The following INO80 variants were observed in gnomAD, a reference collection of about 807,000 sequenced individuals.
INO80 encodes chromatin-remodeling ATPase INO80.
Under a neutral mutation model 203.4 loss-of-function variants are expected in INO80, and 20 were observed. That is an observed-to-expected ratio of 0.10 (90% CI 0.07 to 0.14). The LOEUF (loss-of-function observed/expected upper bound fraction) is 0.14. INO80 is among the 10% of genes least tolerant of loss of function. The probability of loss-of-function intolerance (pLI) is 1.00; values close to 1 mark genes in which losing one functional copy is unlikely to be tolerated. For synonymous variants in INO80, 726 were observed against 685.2 expected (o/e 1.06, Z -0.93); for missense variants, 1,419 against 1,914.4 (o/e 0.74, Z 4.83).
intron 29 of INO80, among the ~76,000 whole-genome samples, chr15:40,996,041 G>C (rs11854924): frequency 0.21 from 32,322 of 151,676 alleles, 4,243 homozygotes; most frequent in Non-Finnish European, 0.3. Flanking sequence ...ATTAGTGAGA[G>C]AGAGAGAGAG....
chr15:40,992,996 T>C (rs2140421481), intron 29 of INO80, among the ~76,000 whole-genome samples: 1 of 152,294 alleles, frequency 6.6e-6, no homozygotes, highest in Non-Finnish European at 1.5e-5. Context: ...GGTCTTGCTA[T>C]GTGGCCCAGG....
rs775509728 is a variant in INO80, at chr15:40,980,290, C to A, written c.4604G>T (p.Ser1535Ile). ...GACCAGAGAGTCTGGGGCTAGGCTG[C>A]TGGTCATGTGGAGGTTCTTGGGATT... ...PGNPKNLHMT[S>I]SLAPDSLVRK... The change falls in exon 36 of 36, where the codon AGC becomes ATC. Residue 1535 changes from serine (S) to isoleucine (I), a missense_variant. Physicochemically the swap from Ser to Ile is moderately radical, Grantham distance 142 (BLOSUM62 -2). Around this residue, in one of 9 missense-constraint regions of INO80, gnomAD observed 112 missense variants for 106.2 expected, o/e 1.05. Coordinates refer to ENST00000648947, the MANE Select transcript of INO80 (RefSeq NM_017553.3). 9.3e-6 allele frequency: 15 copies of A among 1,613,658 alleles called. No homozygotes were observed. Among genetic ancestry groups the A allele is most frequent in the Non-Finnish European group, 1.3e-5 (15 of 1,180,034 alleles).
intron 29 of INO80, among the ~76,000 whole-genome samples, chr15:40,993,519 A>C (rs934983351): frequency 1.3e-5 from 2 of 152,116 alleles, no homozygotes; most frequent in East Asian, 3.9e-4. Context: ...GCACTTTGGG[A>C]GGCGGAGGCA....
intron 9 of INO80, among the ~76,000 whole-genome samples, chr15:41,076,276 G>A (rs1167497245): frequency 2.6e-5 from 4 of 151,982 alleles, no homozygotes; most frequent in African/African-American, 4.8e-5. Flanking sequence ...CAGGAGAATC[G>A]CTTGAACCCA....
At chr15:41,071,465 T>G (rs2140594744) in intron 12 of INO80, among the ~76,000 whole-genome samples, 1 of 148,462 alleles carries the variant, frequency 6.7e-6, no homozygotes, top group Admixed American at 6.7e-5. Context: ...TTTTTTTTTT[T>G]TTTTTTGAGA....
chr15:40,983,810 T>C lies in INO80; in HGVS notation c.4189A>G (p.Thr1397Ala), dbSNP rs746457392. The change falls in exon 34 of 36, where the codon ACC becomes GCC. Residue 1397 changes from threonine to alanine, a missense_variant. Physicochemically the swap from Thr to Ala is moderately conservative, Grantham distance 58 (BLOSUM62 0). This residue lies in a region of INO80 where 214 missense variants were observed against 248.9 expected (regional missense o/e 0.86). Coordinates refer to ENST00000648947, the MANE Select transcript of INO80 (RefSeq NM_017553.3). ...CCTGTTATGGATGCGGGAGAGTTGG[T>C]AGCTCGAGACTGAGGGGCTGAGGAG... ...PASSAPQSRA[T>A]NSPASITGSV... The C allele has an allele frequency of 6.2e-7, 1 of 1,612,690 alleles. No homozygotes were observed. The highest frequency in any genetic ancestry group is 1.1e-5 in the South Asian group (1 of 91,012).
At chr15:41,080,690 C>G (rs1356103818) in intron 8 of INO80, among the ~76,000 whole-genome samples, 1 of 151,988 alleles carries the variant, frequency 6.6e-6, no homozygotes, top group African/African-American at 2.4e-5. Flanking sequence ...ACTGTCTCTA[C>G]TAAAATACAA....
intron 29 of INO80, among the ~76,000 whole-genome samples, chr15:40,990,907 G>A (rs2043808762): frequency 6.6e-6 from 1 of 152,028 alleles, no homozygotes; most frequent in African/African-American, 2.4e-5. Flanking sequence ...TATTTAAAAT[G>A]ACCACAAATG....
intron 26 of INO80, among the ~76,000 whole-genome samples, chr15:41,019,861 C>G (rs1326690136): frequency 6.6e-6 from 1 of 152,226 alleles, no homozygotes; most frequent in Non-Finnish European, 1.5e-5. Context: ...CCAGTTATCT[C>G]TTAGAGACAG....
intron 24 of INO80, among the ~76,000 whole-genome samples, chr15:41,028,848 C>T (rs1042540212): frequency 3.3e-5 from 5 of 151,834 alleles, no homozygotes; most frequent in Non-Finnish European, 5.9e-5. Context: ...GAGTGAAATT[C>T]CGTCCCAAAA....
At chr15:41,022,023 G>C in intron 25 of INO80, among the ~76,000 whole-genome samples, 1 of 152,316 alleles carries the variant, frequency 6.6e-6, no homozygotes, top group Admixed American at 6.5e-5. Flanking sequence ...TCAAGCCCAC[G>C]CTGACAAATA....
intron 5 of INO80, among the ~76,000 whole-genome samples, chr15:41,090,994 G>A (rs1039610114): frequency 1.4e-5 from 2 of 147,428 alleles, no homozygotes; most frequent in Admixed American, 6.8e-5. Flanking sequence ...GCTCAATCTC[G>A]GCTCACTGCA....
At chr15:41,022,060 AT>A (rs1381417744) in intron 25 of INO80, among the ~76,000 whole-genome samples, 1 of 152,258 alleles carries the variant, frequency 6.6e-6, no homozygotes, top group African/African-American at 2.4e-5. Flanking sequence ...CAGGTTGAAT[AT>A]CCCTAATCTG....
At chr15:41,102,300 T>C (rs886917071) in intron 1 of INO80, among the ~76,000 whole-genome samples, 10 of 152,218 alleles carry the variant, frequency 6.6e-5, no homozygotes, top group African/African-American at 2.4e-4. Flanking sequence ...GTTTCCCCAA[T>C]ATATTACAAT....
intron 1 of INO80, among the ~76,000 whole-genome samples, chr15:41,107,292 G>A (rs1271092403): frequency 6.6e-6 from 1 of 152,184 alleles, no homozygotes; most frequent in Non-Finnish European, 1.5e-5. Context: ...TTCAAGACCA[G>A]GAGTTCGAGA....
intron 14 of INO80, among the ~76,000 whole-genome samples, chr15:41,065,001 A>T (rs1333743651): frequency 2.6e-5 from 4 of 152,092 alleles, no homozygotes; most frequent in African/African-American, 9.7e-5. Context: ...ACTGTCTCAA[A>T]AAAAAGGTAG....
chr15:41,090,503 G>A (rs1415764112), intron 5 of INO80, among the ~76,000 whole-genome samples: 1 of 152,138 alleles, frequency 6.6e-6, no homozygotes, highest in African/African-American at 2.4e-5. Flanking sequence ...TTGACCCTGG[G>A]AAGCAGAGGC....
chr15:41,020,682 A>C (rs1486971010), intron 26 of INO80, among the ~76,000 whole-genome samples: 2 of 150,902 alleles, frequency 1.3e-5, no homozygotes, highest in Non-Finnish European at 3.0e-5. Context: ...AGCTGTAAGC[A>C]TGTCAAAGGA....
intron 28 of INO80, 184 bp downstream of exon 28, chr15:41,005,409 C>T: frequency 1.9e-6 from 1 of 533,564 alleles, no homozygotes. Context: ...CTCTTTTTCT[C>T]TCCCAGACAC....
Sources: gnomAD v4.1 joint callset for allele counts (sites outside exome capture counted in the v4.1 genomes callset) on GRCh38, gnomAD v4.1.1 for gene constraint, gnomAD v4.1.1 regional missense constraint, MANE v1.5 for transcripts, NCBI Gene and HGNC (gene_info 2026-07-23, HGNC 2026-07-21) for gene names.